The following KCNIP4 variants were observed in gnomAD, a reference collection of about 807,000 sequenced individuals.
KCNIP4 encodes Kv channel-interacting protein 4.
KCNIP4 carries 12 observed loss-of-function variants against 34.0 expected under a neutral mutation model. The ratio of observed to expected loss-of-function variants is 0.35; its 90% CI spans 0.23 to 0.57. The LOEUF is 0.57. Among genes scored for constraint, KCNIP4 ranks in the 20% least tolerant of loss-of-function variants. The pLI, the probability that KCNIP4 is intolerant of heterozygous loss-of-function variation, is 0.83. For missense variants in KCNIP4, 238 were observed against 311.7 expected, an observed-to-expected ratio of 0.76 and a Z score of 1.78; for synonymous variants, 124 against 102.2, an observed-to-expected ratio of 1.21 and a Z score of -1.29.
At chr4:21,919,196 G>T (rs1395619870) in intron 1 of KCNIP4, among the ~76,000 whole-genome samples, 1 of 152,138 alleles carries the variant, frequency 6.6e-6, no homozygotes, top group Admixed American at 6.5e-5. Context: ...ACTATAGCGT[G>T]TTCCCTTCCT....
chr4:20,744,153 G>A (rs9995438), intron 5 of KCNIP4, among the ~76,000 whole-genome samples: 53,620 of 151,074 alleles, frequency 0.35, 9,916 homozygotes, highest in African/African-American at 0.44. Context: ...GAACACTTTT[G>A]CACTGTTGGT....
rs911445910 is a variant in KCNIP4 at position 21,129,789 on chromosome 4, G to A, written c.62-247080C>T. Among the ~76,000 whole-genome samples the A allele has an allele frequency of 2.9e-4, 44 of 151,848 alleles. 1 individual carries two copies. Among genetic ancestry groups the A allele is most frequent in the African/African-American group, 8.0e-4 (33 of 41,296 alleles). ...ATGCAAGATATTTAGGAGTGGATTC[G>A]CTAAGTTTGCTATTTAAAATGTGTC... On this transcript the variant is annotated intron_variant, in intron 1 of 8. Coordinates refer to ENST00000382152, the MANE Select transcript of KCNIP4 (RefSeq NM_025221.6).
chr4:21,865,343 G>T (rs548577695), intron 1 of KCNIP4, among the ~76,000 whole-genome samples: 13 of 150,914 alleles, frequency 8.6e-5, no homozygotes, highest in Non-Finnish European at 1.5e-4. Context: ...AAGTGGGTGA[G>T]GAAGGGAGGA....
At chr4:21,138,411 C>G (rs6855996) in intron 1 of KCNIP4, among the ~76,000 whole-genome samples, 152,001 of 152,156 alleles carry the variant, frequency 1, 75,924 homozygotes, top group Middle Eastern at 1. Flanking sequence ...TTTCTGTCTA[C>G]AGAGCATGCC....
chr4:21,189,665 A>C (rs2109343864), intron 1 of KCNIP4, among the ~76,000 whole-genome samples: 1 of 152,314 alleles, frequency 6.6e-6, no homozygotes, highest in East Asian at 1.9e-4. Context: ...GTCCTTCTGA[A>C]GTTCATTTAA....
At chr4:21,763,476 A>C (rs1462469460) in intron 1 of KCNIP4, among the ~76,000 whole-genome samples, 1 of 152,166 alleles carries the variant, frequency 6.6e-6, no homozygotes, top group African/African-American at 2.4e-5. Flanking sequence ...CTGGCTAATA[A>C]AAACAACAAT....
At chr4:21,371,600 A>C (rs1462058095) in intron 1 of KCNIP4, among the ~76,000 whole-genome samples, 1 of 147,018 alleles carries the variant, frequency 6.8e-6, no homozygotes, top group Non-Finnish European at 1.5e-5. Context: ...CATATGGATA[A>C]AATATTACCT....
intron 1 of KCNIP4, among the ~76,000 whole-genome samples, chr4:21,822,585 A>G (rs76991762): frequency 6.6e-6 from 1 of 152,220 alleles, no homozygotes; most frequent in Non-Finnish European, 1.5e-5. Context: ...ACATGGGATT[A>G]CAATGAAGGG....
At chr4:20,974,242 G>A (rs189903032) in intron 1 of KCNIP4, among the ~76,000 whole-genome samples, 9 of 152,270 alleles carry the variant, frequency 5.9e-5, no homozygotes, top group African/African-American at 1.7e-4. Context: ...AATTCAAACT[G>A]TACTAAGGTA....
At chr4:21,196,002 A>G (rs975801153) in intron 1 of KCNIP4, among the ~76,000 whole-genome samples, 1 of 152,264 alleles carries the variant, frequency 6.6e-6, no homozygotes, top group East Asian at 1.9e-4. Flanking sequence ...TTTGTTTTTC[A>G]TATTTTGTTC....
chr4:21,885,275 G>A (rs1726699020), intron 1 of KCNIP4, among the ~76,000 whole-genome samples: 1 of 152,048 alleles, frequency 6.6e-6, no homozygotes. Flanking sequence ...CATTTATCAA[G>A]CAATTATTAT....
intron 1 of KCNIP4, among the ~76,000 whole-genome samples, chr4:21,533,774 A>T (rs1442896766): frequency 6.6e-6 from 1 of 152,194 alleles, no homozygotes; most frequent in African/African-American, 2.4e-5. Context: ...GATGTAAAAG[A>T]AATGAATCTG....
chr4:21,809,507 T>C (rs1721496905), intron 1 of KCNIP4, among the ~76,000 whole-genome samples: 1 of 152,194 alleles, frequency 6.6e-6, no homozygotes, highest in South Asian at 2.1e-4. Flanking sequence ...ACACACACTA[T>C]TAGTTTTATT....
intron 1 of KCNIP4, among the ~76,000 whole-genome samples, chr4:21,041,517 T>A (rs1050111315): frequency 1.3e-5 from 2 of 152,170 alleles, no homozygotes; most frequent in African/African-American, 4.8e-5. Context: ...ACAAGCAAGA[T>A]AAAAGAAGGA....
chr4:21,248,140 T>C, intron 1 of KCNIP4, among the ~76,000 whole-genome samples: 1 of 151,548 alleles, frequency 6.6e-6, no homozygotes, highest in African/African-American at 2.4e-5. Flanking sequence ...AGGGCCCTGG[T>C]CACTAGAGAT....
At chr4:21,743,299 G>A (rs990012867) in intron 1 of KCNIP4, among the ~76,000 whole-genome samples, 12 of 152,082 alleles carry the variant, frequency 7.9e-5, no homozygotes, top group Admixed American at 2.6e-4. Context: ...AGCCTCTAGA[G>A]GCCACCCACA....
intron 1 of KCNIP4, among the ~76,000 whole-genome samples, chr4:21,075,322 T>C (rs371586350): frequency 1.3e-5 from 2 of 152,110 alleles, no homozygotes; most frequent in Non-Finnish European, 2.9e-5. Flanking sequence ...CTGGGTGCTC[T>C]TGTATTGGGT....
intron 1 of KCNIP4, among the ~76,000 whole-genome samples, chr4:21,132,853 CAAAA>C (rs71189683): frequency 0.3 from 35,515 of 116,490 alleles, 4,619 homozygotes; most frequent in Middle Eastern, 0.36. Context: ...TACTAAACGA[CAAAA>C]AAAAAAAAAA....
At chr4:21,785,591 C>CAATA (rs60265932) in intron 1 of KCNIP4, among the ~76,000 whole-genome samples, 51,660 of 145,962 alleles carry the variant, frequency 0.35, 10,458 homozygotes, top group East Asian at 0.65. Flanking sequence ...GATTCCATCT[C>CAATA]AATAAATAAA....
Sources: gnomAD v4.1 joint callset for allele counts (sites outside exome capture counted in the v4.1 genomes callset) on GRCh38, gnomAD v4.1.1 for gene constraint, MANE v1.5 for transcripts, NCBI Gene and HGNC (gene_info 2026-07-23, HGNC 2026-07-21) for gene names.